ANKRD16: variants seen among roughly 807,000 people sequenced by gnomAD.
The protein encoded by ANKRD16 is ankyrin repeat domain 16.
A neutral mutation model predicts 37.9 loss-of-function variants in ANKRD16; 35 were observed. That is an observed-to-expected ratio of 0.92 (90% CI 0.71 to 1.23). ANKRD16 has a LOEUF of 1.23. Among genes scored for constraint, ANKRD16 ranks in the 50% most tolerant of loss-of-function variants. ANKRD16 has a pLI of 0.00. For synonymous variants in ANKRD16, 206 were observed against 197.2 expected, an observed-to-expected ratio of 1.04 and a Z score of -0.37; for missense variants, 480 against 469.9, an observed-to-expected ratio of 1.02 and a Z score of -0.20.
Position 5,883,111 on chromosome 10 carries a change from G to A in ANKRD16, c.744C>T (p.Val248=). Residue 248 remains valine (V), a synonymous_variant, in exon 5 of 8, where the codon GTC becomes GTT. Coordinates refer to ENST00000380094, the MANE Select transcript of ANKRD16 (RefSeq NM_019046.3). ...ATCGGATGGCTTCGTCCTGCCCTGTGACAGCTGCCCTGTGCAGAGCCTGGG... is the reference window on the plus strand; with the variant it reads ...ATCGGATGGCTTCGTCCTGCCCTGTAACAGCTGCCCTGTGCAGAGCCTGGG... ...LGAQALHRAA[V]TGQDEAIRFL... The A allele has an allele frequency of 6.2e-7, 1 of 1,614,088 alleles. No homozygotes were observed. Among genetic ancestry groups the A allele is most frequent in the Non-Finnish European group, 8.5e-7 (1 of 1,180,040 alleles).
In ANKRD16 at chr10:5,874,358, A is replaced by T. The variant is rs1382808019; in HGVS notation, c.*33+3739T>A. 6.6e-6 allele frequency among the ~76,000 whole-genome samples: 1 copy of T among 152,238 alleles called. No individual in the cohort carries two copies. The highest frequency in any genetic ancestry group is 1.5e-5 in the Non-Finnish European group (1 of 68,036). ...GCAGGTTAAGCCACAATTGGCAATC[A>T]ATGCCCTTGGTCACATTAGTGAGAA... On this transcript the variant is annotated intron_variant, in intron 7 of 7. Coordinates refer to ENST00000380094, the MANE Select transcript of ANKRD16 (RefSeq NM_019046.3). The surrounding 1 kb of genome is among the most constrained non-coding windows in gnomAD (Gnocchi z 4.7).
intron 7 of ANKRD16, among the ~76,000 whole-genome samples, chr10:5,876,479 C>T (rs534531591): frequency 8.3e-4 from 126 of 152,146 alleles, no homozygotes; most frequent in Non-Finnish European, 1.3e-3. Flanking sequence ...GTGAAATAGC[C>T]GCACAACAGG....
intron 7 of ANKRD16, 107 bp downstream of exon 7, chr10:5,877,990 T>A (rs953337641): frequency 8.8e-6 from 11 of 1,248,622 alleles, no homozygotes; most frequent in Non-Finnish European, 1.2e-5. Flanking sequence ...TCAGCAGGAG[T>A]GGAACATGCA....
chr10:5,876,721 C>G (rs1842192092), intron 7 of ANKRD16, among the ~76,000 whole-genome samples: 1 of 152,290 alleles, frequency 6.6e-6, no homozygotes, highest in East Asian at 1.9e-4. Flanking sequence ...GAGCCCAACG[C>G]TGAGAGTAAG....
rs77670253 is a variant in ANKRD16 at position 5,880,642 on chromosome 10, G to C, written c.850-266C>G. On this transcript the variant is annotated intron_variant, in intron 5 of 7. Transcript: ENST00000380094. ...TTGCAGGATAAAAGGAGCAGGGGGG[G>C]GATTAGGCAATGATACATTAAATAT... Among the ~76,000 whole-genome samples, 1,402 of 151,630 alleles carry C rather than the reference G, an allele frequency of 9.2e-3. 12 individuals are homozygous for C. The highest frequency in any genetic ancestry group is 0.014 in the Non-Finnish European group (960 of 68,002).
rs1842226209 is a variant in ANKRD16, at chr10:5,878,703, C to T, written c.929-416G>A. Among the ~76,000 whole-genome samples the T allele has an allele frequency of 6.6e-6, 1 of 150,466 alleles. No homozygotes were observed. Among genetic ancestry groups the T allele is most frequent in the African/African-American group, 2.5e-5 (1 of 40,796 alleles). The stretch of plus-strand genomic sequence containing the variant: ...ATCCCAGCTACTCGGGAGGCTGAGG[C>T]AGGAAAATCGCTTGAACCCAGGAGG... On this transcript the variant is annotated intron_variant, in intron 6 of 7. Transcript: ENST00000380094. The surrounding 1 kb of genome is among the most constrained non-coding windows in gnomAD (Gnocchi z 5.1).
intron 7 of ANKRD16, among the ~76,000 whole-genome samples, chr10:5,867,846 G>C (rs554104011): frequency 6.6e-6 from 1 of 152,152 alleles, no homozygotes; most frequent in African/African-American, 2.4e-5. Flanking sequence ...TAGTAACTAC[G>C]ATCCCAAATA....
At position 5,889,141 on chromosome 10, in the gene ANKRD16, T is replaced by C; in HGVS notation, c.214A>G (p.Lys72Glu). ...MDIEATNRDYKRPLHEAASMG... is the reference protein window; with the variant it reads ...MDIEATNRDYERPLHEAASMG... ...GAGGCCGCCTCGTGCAGAGGCCGCT[T>C]GTAGTCTCGGTTGGTGGCCTCGATG... Residue 72 changes from lysine (K) to glutamate (E), a missense_variant, in exon 1 of 8, where the codon AAG becomes GAG. By Grantham distance (56) the Lys-to-Glu change is moderately conservative. Transcript: ENST00000380094. 6.3e-7 allele frequency: 1 copy of C among 1,598,294 alleles called. No individual in the cohort carries two copies. The highest frequency in any genetic ancestry group is 8.5e-7 in the Non-Finnish European group (1 of 1,179,214).
In ANKRD16 at chr10:5,868,946, A is replaced by G. The variant is rs1398731888; in HGVS notation, c.*34-6255T>C. On this transcript the variant is annotated intron_variant, in intron 7 of 7. Coordinates refer to ENST00000380094, the MANE Select transcript of ANKRD16 (RefSeq NM_019046.3). The surrounding 1 kb of genome is among the most constrained non-coding windows in gnomAD (Gnocchi z 4.9). ...GAATAAATTCTGGACACAATACCAC[A>G]AAAAGACAAAGAAAGCAAAGGTGCG... Among the ~76,000 whole-genome samples the G allele has an allele frequency of 6.6e-6, 1 of 152,238 alleles. No individual in the cohort carries two copies. Among genetic ancestry groups the G allele is most frequent in the Non-Finnish European group, 1.5e-5 (1 of 68,044 alleles).
rs1381372529 is a variant in ANKRD16, at chr10:5,889,275, T to A, written c.80A>T (p.Gln27Leu). 2.6e-5 allele frequency: 38 copies of A among 1,448,192 alleles called. No homozygotes were observed. Among genetic ancestry groups the A allele is most frequent in the Non-Finnish European group, 3.4e-5 (38 of 1,107,998 alleles). 89.7% of individuals were successfully genotyped at this position (1,448,192 alleles called of 1,614,324 possible). A position where few individuals can be genotyped will look rare whatever the true frequency, so the allele number is the denominator to read the frequency against. Residue 27 changes from glutamine to leucine, a missense_variant, in exon 1 of 8, where the codon CAG becomes CTG. By Grantham distance (113) the Gln-to-Leu change is moderately radical. Transcript: ENST00000380094. ...GRLRALKEEL[Q>L]AAGGCPGPAG... ...CGGCCCCGGGCAGCCCCCGGCCGCC[T>A]GCAGCTCCTCCTTCAGGGCGCGCAG...
chr10:5,879,080 C>A (rs610335), intron 6 of ANKRD16, among the ~76,000 whole-genome samples: 125,646 of 152,132 alleles, frequency 0.83, 52,285 homozygotes, highest in Admixed American at 0.87. Context: ...CTGCTGCTTT[C>A]CCTCCAGCAG....
At position 5,889,397 on chromosome 10, in the gene ANKRD16, G is replaced by A; in HGVS notation, c.-43C>T. The A allele has an allele frequency of 2.6e-6, 3 of 1,166,160 alleles. No homozygotes were observed. Among genetic ancestry groups the A allele is most frequent in the Non-Finnish European group, 3.2e-6 (3 of 945,716 alleles). The allele number at this position is 1,166,160 out of a possible 1,614,324, so 72.2% of individuals were successfully genotyped here. On this transcript the variant is annotated 5_prime_UTR_variant, in exon 1 of 8. Transcript: ENST00000380094. ...GGCTGCGCGGGGAGGCGGCGGGCGG[G>A]ACACCGGCGGCCGGGCAGGGAGAAG...
Position 5,864,739 on chromosome 10 carries a change from A to G in ANKRD16, c.*34-2048T>C, listed in dbSNP as rs1340019303. On this transcript the variant is annotated intron_variant, in intron 7 of 7. Transcript: ENST00000380094. The surrounding 1 kb of genome is among the most constrained non-coding windows in gnomAD (Gnocchi z 4.4). ...TGGGACCTCAACTCAGACCATGGGTACTGGAGTTGTAAACATCTGCTGATC... is the reference window on the plus strand; with the variant it reads ...TGGGACCTCAACTCAGACCATGGGTGCTGGAGTTGTAAACATCTGCTGATC... Among the ~76,000 whole-genome samples the G allele has an allele frequency of 6.6e-6, 1 of 151,710 alleles. No homozygotes were observed. Among genetic ancestry groups the G allele is most frequent in the Non-Finnish European group, 1.5e-5 (1 of 68,038 alleles).
chr10:5,867,998 C>T (rs1024877646), intron 7 of ANKRD16, among the ~76,000 whole-genome samples: 9 of 152,268 alleles, frequency 5.9e-5, no homozygotes, highest in African/African-American at 1.4e-4. Flanking sequence ...TGCCGCCTGG[C>T]GTTTACAGGA....
rs1191604028 is a variant in ANKRD16 at position 5,865,321 on chromosome 10, G to C, written c.*34-2630C>G. On this transcript the variant is annotated intron_variant, in intron 7 of 7. Transcript: ENST00000380094. The surrounding 1 kb of genome is among the most constrained non-coding windows in gnomAD (Gnocchi z 4.7). ...AAGGTGCACTGCCCCAGAGGACAAAGGTTCTCTGGGCCAGAAGCCCCCAAC... is the reference window on the plus strand; with the variant it reads ...AAGGTGCACTGCCCCAGAGGACAAACGTTCTCTGGGCCAGAAGCCCCCAAC... Among the ~76,000 whole-genome samples, 4 of 152,246 alleles carry C rather than the reference G, an allele frequency of 2.6e-5. No homozygotes were observed. The highest frequency in any genetic ancestry group is 4.8e-5 in the African/African-American group (2 of 41,466).
chr10:5,883,857 G>A, intron 4 of ANKRD16, 112 bp downstream of exon 4: 1 of 842,624 alleles, frequency 1.2e-6, no homozygotes, highest in Admixed American at 2.5e-5. Context: ...GAGAGAGTTT[G>A]GAGGGGCTGG....
At chr10:5,872,995 G>T (rs924509297) in intron 7 of ANKRD16, among the ~76,000 whole-genome samples, 4 of 148,428 alleles carry the variant, frequency 2.7e-5, no homozygotes, top group Admixed American at 2.0e-4. Flanking sequence ...AAGCAGCTGG[G>T]ACTACAGGTG....
rs1289727024 is a variant in ANKRD16, at chr10:5,871,801, A to C, written c.*33+6296T>G. ...TGGGCTCCTTTCCCAGTCTGTAAAC[A>C]TGCCACATGCTCATCCCCTCACTCA... On this transcript the variant is annotated intron_variant, in intron 7 of 7. Transcript: ENST00000380094. This position sits in a 1 kb window ranked among gnomAD's most constrained non-coding sequence, Gnocchi z 4.5. 3.3e-5 allele frequency among the ~76,000 whole-genome samples: 5 copies of C among 152,122 alleles called. No individual in the cohort carries two copies. The East Asian group carries it at 9.6e-4, about 29-fold the overall frequency.
rs1435799701 is a variant in ANKRD16 at position 5,889,424 on chromosome 10, C to G, written c.-70G>C. On this transcript the variant is annotated 5_prime_UTR_variant, in exon 1 of 8. Coordinates refer to ENST00000380094, the MANE Select transcript of ANKRD16 (RefSeq NM_019046.3). Reference sequence around the variant, plus strand: ...CACCGGCGGCCGGGCAGGGAGAAGCCGAGGGCGAGTGGGACTTTCCGCCTC... The same window carrying G: ...CACCGGCGGCCGGGCAGGGAGAAGCGGAGGGCGAGTGGGACTTTCCGCCTC... 1.2e-5 allele frequency: 13 copies of G among 1,100,360 alleles called. No individual in the cohort carries two copies. In the East Asian group the frequency reaches 5.3e-4, roughly 45 times the overall value. The allele number at this position is 1,100,360 out of a possible 1,614,324, so 68.2% of individuals were successfully genotyped here.
Sources: gnomAD v4.1 joint callset for allele counts (sites outside exome capture counted in the v4.1 genomes callset) on GRCh38, gnomAD v4.1.1 for gene constraint, Gnocchi (gnomAD v3.1) non-coding constraint, MANE v1.5 for transcripts, NCBI Gene and HGNC (gene_info 2026-07-23, HGNC 2026-07-21) for gene names.